RAP1A: variants seen among roughly 807,000 people sequenced by gnomAD.
RAP1A encodes RAP1A, member of RAS oncogene family.
RAP1A carries 6 observed loss-of-function variants against 26.4 expected under a neutral mutation model. The observed-to-expected ratio is 0.23, with a 90% CI of 0.12 to 0.45. The LOEUF (loss-of-function observed/expected upper bound fraction) is 0.45, where lower values mean the gene tolerates loss of function less well. Ranked by LOEUF, RAP1A falls within the 20% of genes least tolerant of loss-of-function variation. RAP1A has a pLI of 0.99. For missense variants in RAP1A, 121 were observed against 217.2 expected (o/e 0.56, Z 2.78); for synonymous variants, 73 against 79.4 (o/e 0.92, Z 0.43).
chr1:111,604,902 G>C (rs1223055713), intron 1 of RAP1A, among the ~76,000 whole-genome samples: 1 of 152,174 alleles, frequency 6.6e-6, no homozygotes, highest in African/African-American at 2.4e-5. Flanking sequence ...GCCTCACTGG[G>C]TTCCCTGATG....
At chr1:111,621,948 G>A (rs1659220950) in intron 1 of RAP1A, among the ~76,000 whole-genome samples, 1 of 152,092 alleles carries the variant, frequency 6.6e-6, no homozygotes, top group Non-Finnish European at 1.5e-5. Flanking sequence ...ATTCATATAC[G>A]TTGTTCCTGT....
At chr1:111,652,665 T>C (rs1051032731) in intron 1 of RAP1A, among the ~76,000 whole-genome samples, 1 of 151,982 alleles carries the variant, frequency 6.6e-6, no homozygotes, top group African/African-American at 2.4e-5. Flanking sequence ...CATAATGAGA[T>C]ATTATTTCAT....
chr1:111,693,731 T>G (rs563350991), intron 2 of RAP1A, among the ~76,000 whole-genome samples: 2 of 152,266 alleles, frequency 1.3e-5, no homozygotes, highest in South Asian at 4.1e-4. Context: ...CTATACCCTT[T>G]GGAAGATTCC....
Position 111,559,387 on chromosome 1 carries a change from T to TA in RAP1A, c.-28+16886dup, listed in dbSNP as rs553701988. Among the ~76,000 whole-genome samples, 19 of 152,118 alleles carry TA rather than the reference T, an allele frequency of 1.2e-4. No homozygotes were observed. In the East Asian group the frequency reaches 2.3e-3, roughly 19 times the overall value. On this transcript the variant is annotated intron_variant, in intron 1 of 7. Transcript: ENST00000356415. ...AGGCATTTACGATTCAGCAGTGACC[T>TA]AAAAAAAATCCTATTCTTTATGAAA...
intron 1 of RAP1A, among the ~76,000 whole-genome samples, chr1:111,607,862 G>A (rs1658828346): frequency 9.3e-6 from 1 of 107,396 alleles, no homozygotes; most frequent in African/African-American, 3.7e-5. Flanking sequence ...TGGCCGGGCG[G>A]GGCCTGACCC....
At chr1:111,603,462 A>C (rs1481752199) in intron 1 of RAP1A, among the ~76,000 whole-genome samples, 1 of 152,238 alleles carries the variant, frequency 6.6e-6, no homozygotes, top group Non-Finnish European at 1.5e-5. Flanking sequence ...CTGAGATGAA[A>C]GGTGCCAAGT....
rs149693237 is a variant in RAP1A at position 111,669,854 on chromosome 1, A to T, written c.-27-21480A>T. Among the ~76,000 whole-genome samples the T allele has an allele frequency of 4.3e-3, 656 of 152,348 alleles. 1 individual carries two copies. Among genetic ancestry groups the T allele is most frequent in the Non-Finnish European group, 6.1e-3 (414 of 68,030 alleles). On this transcript the variant is annotated intron_variant, in intron 1 of 7. Coordinates refer to ENST00000369709, the MANE Select transcript of RAP1A (RefSeq NM_002884.4). ...TGTAAACCTAAAGTCTTCATAGTTAAATTTGCAGATGATCAGAGATGTCAA... is the reference window on the plus strand; with the variant it reads ...TGTAAACCTAAAGTCTTCATAGTTATATTTGCAGATGATCAGAGATGTCAA...
chr1:111,707,879 A>G (rs971750997), intron 6 of RAP1A, among the ~76,000 whole-genome samples: 1 of 152,200 alleles, frequency 6.6e-6, no homozygotes, highest in East Asian at 1.9e-4. Context: ...AGATGTATTA[A>G]CAAACATTAT....
At chr1:111,646,246 A>G (rs1469392411) in intron 1 of RAP1A, among the ~76,000 whole-genome samples, 3 of 151,998 alleles carry the variant, frequency 2.0e-5, no homozygotes, top group Admixed American at 6.5e-5. Flanking sequence ...TTTCTCTCCC[A>G]CAACGTAACA....
At chr1:111,636,937 C>G (rs1447594507) in intron 1 of RAP1A, among the ~76,000 whole-genome samples, 1 of 151,996 alleles carries the variant, frequency 6.6e-6, no homozygotes, top group Non-Finnish European at 1.5e-5. Flanking sequence ...TTCATATTTC[C>G]ATGGAGTGGT....
At chr1:111,660,115 C>A (rs1252196904) in intron 1 of RAP1A, among the ~76,000 whole-genome samples, 1 of 152,200 alleles carries the variant, frequency 6.6e-6, no homozygotes, top group African/African-American at 2.4e-5. Flanking sequence ...GACAAATTCT[C>A]TCCATTTTTG....
chr1:111,620,096 G>T (rs922165391), intron 1 of RAP1A, among the ~76,000 whole-genome samples, 162 bp downstream of exon 1: 1 of 152,092 alleles, frequency 6.6e-6, no homozygotes, highest in Admixed American at 6.5e-5. Flanking sequence ...GGGCCTGGCC[G>T]GCGGGAGGGG....
At chr1:111,656,983 A>G (rs918995033) in intron 1 of RAP1A, among the ~76,000 whole-genome samples, 14 of 152,130 alleles carry the variant, frequency 9.2e-5, no homozygotes, top group African/African-American at 2.9e-4. Flanking sequence ...ACTTGATTCC[A>G]TTAAACAGTA....
At chr1:111,596,124 A>T (rs1433738501) in intron 1 of RAP1A, among the ~76,000 whole-genome samples, 2 of 152,190 alleles carry the variant, frequency 1.3e-5, no homozygotes, top group African/African-American at 2.4e-5. Context: ...GTGCAATTTT[A>T]AAAAAGAGTT....
At chr1:111,704,219 T>G in intron 5 of RAP1A, 124 bp from the exon 6 acceptor site, 1 of 960,952 alleles carries the variant, frequency 1.0e-6, no homozygotes, top group Non-Finnish European at 1.5e-6. Context: ...TCGTTAGTAT[T>G]TGATGAAGCT....
intron 1 of RAP1A, among the ~76,000 whole-genome samples, chr1:111,664,191 C>T (rs575889770): frequency 9.9e-5 from 15 of 151,982 alleles, no homozygotes; most frequent in Non-Finnish European, 1.6e-4. Context: ...CTGGCCAGCA[C>T]GGTAAAACCC....
intron 2 of RAP1A, 137 bp downstream of exon 2, chr1:111,691,554 G>T: frequency 1.4e-6 from 1 of 722,748 alleles, no homozygotes. Flanking sequence ...CAAAGGACAG[G>T]AAATCATTTA....
At chr1:111,566,971 G>A (rs960993494) in intron 1 of RAP1A, among the ~76,000 whole-genome samples, 1 of 152,016 alleles carries the variant, frequency 6.6e-6, no homozygotes, top group South Asian at 2.1e-4. Flanking sequence ...GCAAATGAGG[G>A]GCCCTGACAC....
intron 1 of RAP1A, among the ~76,000 whole-genome samples, chr1:111,620,357 C>T (rs1659153817): frequency 6.6e-6 from 1 of 152,188 alleles, no homozygotes; most frequent in South Asian, 2.1e-4. Flanking sequence ...GGTTGGACAT[C>T]GCTGCCTTCC....
Sources: allele counts gnomAD v4.1 joint callset (sites outside exome capture counted in the v4.1 genomes callset), GRCh38; gene constraint gnomAD v4.1.1; transcripts MANE v1.5; gene names NCBI Gene and HGNC (gene_info 2026-07-23, HGNC 2026-07-21).